UBE2D2: variants seen among roughly 807,000 people sequenced by gnomAD.
UBE2D2 encodes the protein ubiquitin-conjugating enzyme E2 D2.
In UBE2D2, 2 loss-of-function variants were observed where a neutral mutation model predicts 24.2. That is an observed-to-expected ratio of 0.08 (90% CI 0.03 to 0.26). The LOEUF (loss-of-function observed/expected upper bound fraction) is 0.26, where lower values mean the gene tolerates loss of function less well. Ranked by LOEUF, UBE2D2 falls within the 10% of genes least tolerant of loss-of-function variation. UBE2D2 has a pLI of 1.00. For synonymous variants in UBE2D2, 58 were observed against 56.5 expected (o/e 1.03, Z -0.12); for missense variants, 44 against 177.6 (o/e 0.25, Z 4.28).
intron 2 of UBE2D2, among the ~76,000 whole-genome samples, chr5:139,602,634 C>A (rs908356241): frequency 4.0e-5 from 6 of 151,816 alleles, no homozygotes; most frequent in African/African-American, 1.2e-4. Context: ...GCCAAGGTTG[C>A]ACAACTGCAC....
intron 1 of UBE2D2, among the ~76,000 whole-genome samples, chr5:139,584,693 C>T (rs1417940518): frequency 2.0e-5 from 3 of 151,344 alleles, no homozygotes; most frequent in African/African-American, 7.3e-5. Flanking sequence ...CCACCATACC[C>T]GGCTAATTTT....
intron 1 of UBE2D2, among the ~76,000 whole-genome samples, chr5:139,576,530 G>A (rs1300715067): frequency 6.6e-5 from 10 of 151,852 alleles, no homozygotes; most frequent in South Asian, 2.1e-4. Flanking sequence ...CACCACGCCC[G>A]GCAAATTTTT....
At chr5:139,614,667 T>A (rs1184491193) in intron 3 of UBE2D2, 30 bp from the exon 4 acceptor site, 2 of 1,613,772 alleles carry the variant, frequency 1.2e-6, no homozygotes, top group Non-Finnish European at 1.7e-6. Context: ...AATTTACTCA[T>A]TTTAATCCCA....
At chr5:139,573,226 T>TG (rs1753392193) in intron 1 of UBE2D2, among the ~76,000 whole-genome samples, 1 of 148,752 alleles carries the variant, frequency 6.7e-6, no homozygotes, top group African/African-American at 2.5e-5. Context: ...GGCGTGAACC[T>TG]GGGAGGCGGA....
intron 2 of UBE2D2, 82 bp downstream of exon 2, chr5:139,600,517 G>A: frequency 6.9e-7 from 1 of 1,453,324 alleles, no homozygotes; most frequent in Non-Finnish European, 9.5e-7. Context: ...ATAGGGAAGA[G>A]GCAGTGTTTA....
rs562953943 is a variant in UBE2D2, at chr5:139,590,492, A to G, written c.25-9880A>G. ...AGGAACAAACTAGATCTACCTTTGT[A>G]TCTTTGTGGAAAAATATCTCAATAT... On this transcript the variant is annotated intron_variant, in intron 1 of 6. Transcript: ENST00000398733. Among the ~76,000 whole-genome samples, 5 of 152,026 alleles carry G rather than the reference A, an allele frequency of 3.3e-5. No homozygotes were observed. In the South Asian group the frequency reaches 8.3e-4, roughly 25 times the overall value.
At chr5:139,584,715 C>G (rs1330057886) in intron 1 of UBE2D2, among the ~76,000 whole-genome samples, 2 of 150,658 alleles carry the variant, frequency 1.3e-5, no homozygotes, top group African/African-American at 4.9e-5. Flanking sequence ...GTATTTTTAG[C>G]AGAGACCGGG....
At chr5:139,609,211 G>A (rs1754261499) in intron 2 of UBE2D2, among the ~76,000 whole-genome samples, 1 of 152,014 alleles carries the variant, frequency 6.6e-6, no homozygotes, top group African/African-American at 2.4e-5. Flanking sequence ...GTACCTAAAT[G>A]GTTAATGGAA....
rs550380941 is a variant in UBE2D2 at position 139,604,380 on chromosome 5, C to T, written c.88+3945C>T. On this transcript the variant is annotated intron_variant, in intron 2 of 6. Coordinates refer to ENST00000398733, the MANE Select transcript of UBE2D2 (RefSeq NM_003339.3). ...CTTGAACTCCTGACCTCAAGTGATC[C>T]GCCCACCTCTACCTCCCAAAGCGCT... Among the ~76,000 whole-genome samples, 6 of 152,044 alleles carry T rather than the reference C, an allele frequency of 3.9e-5. No homozygotes were observed. The South Asian group carries it at 6.2e-4, about 16-fold the overall frequency.
chr5:139,597,572 G>A (rs1753986087), intron 1 of UBE2D2, among the ~76,000 whole-genome samples: 1 of 152,140 alleles, frequency 6.6e-6, no homozygotes, highest in Non-Finnish European at 1.5e-5. Flanking sequence ...AGTTTGAAAG[G>A]GGCAAAAGAT....
At chr5:139,568,026 C>T (rs1029786913) in intron 1 of UBE2D2, among the ~76,000 whole-genome samples, 2 of 152,114 alleles carry the variant, frequency 1.3e-5, no homozygotes, top group Non-Finnish European at 2.9e-5. Context: ...GTAGTTGTAA[C>T]GCTGAACAGT....
intron 1 of UBE2D2, among the ~76,000 whole-genome samples, chr5:139,564,032 T>A (rs1753165548): frequency 6.6e-6 from 1 of 152,232 alleles, no homozygotes; most frequent in South Asian, 2.1e-4. Flanking sequence ...AAACATACGT[T>A]TTAATTAATA....
At chr5:139,536,093 T>A (rs920201093) in intron 1 of UBE2D2, among the ~76,000 whole-genome samples, 3 of 150,928 alleles carry the variant, frequency 2.0e-5, no homozygotes, top group Non-Finnish European at 3.0e-5. Flanking sequence ...TTATTTATTA[T>A]TTTATTTATT....
At chr5:139,532,191 G>C (rs1337443301) in intron 1 of UBE2D2, among the ~76,000 whole-genome samples, 3 of 149,124 alleles carry the variant, frequency 2.0e-5, no homozygotes, top group Non-Finnish European at 3.0e-5. Context: ...TTTTTTTTGG[G>C]GGGGACAGAG....
chr5:139,574,735 C>CAAAAAAAAAAAAAA (rs75539434), intron 1 of UBE2D2, among the ~76,000 whole-genome samples: 1 of 70,750 alleles, frequency 1.4e-5, no homozygotes, highest in Non-Finnish European at 3.1e-5. Context: ...GGTGGGGTGG[C>CAAAAAAAAAAAAAA]AAAAAAAAAA....
At chr5:139,574,888 AG>A (rs1372724578) in intron 1 of UBE2D2, among the ~76,000 whole-genome samples, 1 of 152,114 alleles carries the variant, frequency 6.6e-6, no homozygotes, top group Admixed American at 6.6e-5. Context: ...TAGATAGAAG[AG>A]GGTTTAGCAT....
chr5:139,536,094 TTTA>T (rs1216582193), intron 1 of UBE2D2, among the ~76,000 whole-genome samples: 4 of 150,332 alleles, frequency 2.7e-5, no homozygotes, highest in Non-Finnish European at 3.0e-5. Context: ...TATTTATTAT[TTTA>T]TTTATTTATT....
intron 1 of UBE2D2, among the ~76,000 whole-genome samples, chr5:139,531,360 C>A (rs1363934386): frequency 6.6e-6 from 1 of 152,166 alleles, no homozygotes; most frequent in Non-Finnish European, 1.5e-5. Context: ...TGCATGCAGC[C>A]CCTGTCACGT....
intron 1 of UBE2D2, among the ~76,000 whole-genome samples, chr5:139,566,443 G>A (rs1247108794): frequency 6.6e-6 from 1 of 152,040 alleles, no homozygotes; most frequent in African/African-American, 2.4e-5. Context: ...GGAGGCCCAG[G>A]TGGGCAGATC....
Sources: gnomAD v4.1 joint callset for allele counts (sites outside exome capture counted in the v4.1 genomes callset) on GRCh38, gnomAD v4.1.1 for gene constraint, MANE v1.5 for transcripts, NCBI Gene and HGNC (gene_info 2026-07-23, HGNC 2026-07-21) for gene names.